ZNF362: variants seen among roughly 807,000 people sequenced by gnomAD.
The protein encoded by ZNF362 is zinc finger protein 362, also known as rotund homolog.
Under a neutral mutation model 42.9 loss-of-function variants are expected in ZNF362, and 11 were observed. The observed-to-expected ratio is 0.26, with a 90% CI of 0.16 to 0.42. The LOEUF is 0.42. Ranked by LOEUF, ZNF362 falls within the 20% of genes least tolerant of loss-of-function variation. The pLI is 1.00. For missense variants in ZNF362, 362 were observed against 576.2 expected, an observed-to-expected ratio of 0.63 and a Z score of 3.81; for synonymous variants, 255 against 257.3, an observed-to-expected ratio of 0.99 and a Z score of 0.09.
the ZNF362 span, among the ~76,000 whole-genome samples, chr1:33,157,552 C>T: frequency 6.7e-6 from 1 of 149,598 alleles, no homozygotes; most frequent in East Asian, 1.9e-4. Flanking sequence ...TGTCTACTTT[C>T]TATCTCACAC....
the ZNF362 span, among the ~76,000 whole-genome samples, chr1:33,154,966 G>A: frequency 6.6e-6 from 1 of 150,528 alleles, no homozygotes; most frequent in Non-Finnish European, 1.5e-5. Flanking sequence ...CTTGGCAGGT[G>A]CCTGCAGTCC....
In ZNF362 at chr1:33,295,263, C is replaced by T; in HGVS notation, c.1104C>T (p.Ala368=). 2 of 1,614,270 alleles carry T rather than the reference C, an allele frequency of 1.2e-6. No homozygotes were observed. The highest frequency in any genetic ancestry group is 2.2e-5 in the East Asian group (1 of 44,878). The change falls in exon 8 of 9, where the codon GCC becomes GCT. Residue 368 remains alanine, a synonymous_variant. Transcript: ENST00000539719. ...IHLSAHAIKH[A]KAYCCSMCGR... is the part of the protein sequence containing the mutation. ...TCTCGGCCCACGCCATCAAGCACGC[C>T]AAGGCCTACTGCTGCAGCATGTGTG...
chr1:33,169,658 T>C, the ZNF362 span, among the ~76,000 whole-genome samples: 1 of 152,168 alleles, frequency 6.6e-6, no homozygotes, highest in Non-Finnish European at 1.5e-5. Context: ...TCCTAGCTCT[T>C]GGTCCAGACG....
At chr1:33,158,443 C>T in the ZNF362 span, 503 of 1,193,324 alleles carry the variant, frequency 4.2e-4, no homozygotes, top group African/African-American at 4.6e-3. Context: ...CCGCAGCCAC[C>T]TTCAGGGCAG....
At chr1:33,197,848 G>A in the ZNF362 span, among the ~76,000 whole-genome samples, 2 of 152,184 alleles carry the variant, frequency 1.3e-5, no homozygotes, top group Non-Finnish European at 2.9e-5. Context: ...TACAAAAAGA[G>A]TAGAGAAAAA....
At chr1:33,214,224 T>C in the ZNF362 span, among the ~76,000 whole-genome samples, 2 of 152,112 alleles carry the variant, frequency 1.3e-5, no homozygotes, top group Non-Finnish European at 2.9e-5. Context: ...TTCACAAAGG[T>C]GCTAAGAACA....
the ZNF362 span, chr1:33,147,049 G>A: frequency 1.1e-6 from 1 of 945,420 alleles, no homozygotes; most frequent in Non-Finnish European, 1.6e-6. This position sits in a 1 kb window ranked among gnomAD's most constrained non-coding sequence, Gnocchi z 8.1. Context: ...ACTGGAGGCT[G>A]GAGGGTAAAC....
the ZNF362 span, chr1:33,181,034 G>A: frequency 6.3e-7 from 1 of 1,584,628 alleles, no homozygotes; most frequent in Non-Finnish European, 8.5e-7. This position sits in a 1 kb window ranked among gnomAD's most constrained non-coding sequence, Gnocchi z 6.5. Flanking sequence ...CCTGCAGCTC[G>A]TCGAAGGCGT....
chr1:33,287,076 A>G (rs895697964), intron 6 of ZNF362, among the ~76,000 whole-genome samples: 1 of 152,222 alleles, frequency 6.6e-6, no homozygotes, highest in Non-Finnish European at 1.5e-5. Flanking sequence ...GGGACTTGCA[A>G]AGTGTTGAAC....
the ZNF362 span, among the ~76,000 whole-genome samples, chr1:33,177,587 T>C: frequency 2.0e-5 from 3 of 152,176 alleles, no homozygotes; most frequent in Non-Finnish European, 4.4e-5. The surrounding 1 kb of genome is among the most constrained non-coding windows in gnomAD (Gnocchi z 4.1). Flanking sequence ...CTTTTCTAGG[T>C]CAGGTTTCTC....
chr1:33,296,618 G>A (rs1036492738), intron 8 of ZNF362, among the ~76,000 whole-genome samples: 1 of 146,488 alleles, frequency 6.8e-6, no homozygotes, highest in Non-Finnish European at 1.5e-5. Context: ...AGCCTTGAAG[G>A]ATAATTGGAT....
chr1:33,240,063 G>T, the ZNF362 span, among the ~76,000 whole-genome samples: 1 of 152,160 alleles, frequency 6.6e-6, no homozygotes, highest in Non-Finnish European at 1.5e-5. Flanking sequence ...ATCAGAGGGT[G>T]GTAGAACTCC....
At chr1:33,193,004 C>CACACACACACATAT in the ZNF362 span, among the ~76,000 whole-genome samples, 4 of 137,288 alleles carry the variant, frequency 2.9e-5, no homozygotes, top group East Asian at 2.2e-4. Flanking sequence ...CACACACACA[C>CACACACACACATAT]ATATATATAT....
the ZNF362 span, chr1:33,165,455 C>G: frequency 6.3e-7 from 1 of 1,576,448 alleles, no homozygotes; most frequent in East Asian, 2.3e-5. This position sits in a 1 kb window ranked among gnomAD's most constrained non-coding sequence, Gnocchi z 4.0. Context: ...CACCTCCGCG[C>G]CCCGGCCAGG....
chr1:33,217,419 G>A, the ZNF362 span, among the ~76,000 whole-genome samples: 8 of 152,138 alleles, frequency 5.3e-5, no homozygotes, highest in Non-Finnish European at 1.0e-4. Context: ...ACCAGCAGGC[G>A]TTTTCCTCTC....
chr1:33,158,440 C>T, the ZNF362 span: 1 of 1,239,778 alleles, frequency 8.1e-7, no homozygotes, highest in Non-Finnish European at 1.2e-6. Context: ...GCCCCGCAGC[C>T]ACCTTCAGGG....
the ZNF362 span, among the ~76,000 whole-genome samples, chr1:33,184,041 G>A: frequency 1.0e-4 from 15 of 147,370 alleles, no homozygotes; most frequent in Middle Eastern, 3.5e-3. Context: ...GAAATGAAAT[G>A]AAAAAAAAAA....
chr1:33,268,551 G>A (rs1645879828), intron 1 of ZNF362, among the ~76,000 whole-genome samples: 1 of 152,200 alleles, frequency 6.6e-6, no homozygotes, highest in Admixed American at 6.5e-5. Flanking sequence ...AGCACACAGT[G>A]TAGCTCAGGC....
At chr1:33,158,381 C>G in the ZNF362 span, 1 of 1,610,410 alleles carries the variant, frequency 6.2e-7, no homozygotes, top group South Asian at 1.1e-5. Context: ...GGAAGGAGAG[C>G]AGGAAAGGGG....
Sources: gnomAD v4.1 joint callset for allele counts (sites outside exome capture counted in the v4.1 genomes callset) on GRCh38, gnomAD v4.1.1 for gene constraint, Gnocchi (gnomAD v3.1) non-coding constraint, MANE v1.5 for transcripts, NCBI Gene and HGNC (gene_info 2026-07-23, HGNC 2026-07-21) for gene names.